The following PARP10 variants were observed in gnomAD, a reference collection of about 807,000 sequenced individuals.
PARP10 encodes the protein poly(ADP-ribose) polymerase family member 10, also known as protein mono-ADP-ribosyltransferase PARP10.
A neutral mutation model predicts 82.4 loss-of-function variants in PARP10; 56 were observed. The ratio of observed to expected loss-of-function variants is 0.68; its 90% CI spans 0.55 to 0.85. The LOEUF is 0.85. Among genes scored for constraint, PARP10 ranks in the 40% least tolerant of loss-of-function variants. PARP10 has a pLI of 0.00. For synonymous variants in PARP10, 576 were observed against 601.1 expected, an observed-to-expected ratio of 0.96 and a Z score of 0.61; for missense variants, 1,227 against 1,379.4, an observed-to-expected ratio of 0.89 and a Z score of 1.75.
intron 1 of PARP10, among the ~76,000 whole-genome samples, chr8:143,999,877 C>A (rs1465139940): frequency 6.6e-6 from 1 of 151,824 alleles, no homozygotes; most frequent in Non-Finnish European, 1.5e-5. Context: ...CTAAAACTCA[C>A]GAAGAGAATA....
At chr8:143,991,432 C>T, upstream of PARP10, 1 of 1,445,602 alleles carries the variant, frequency 6.9e-7, no homozygotes, top group Non-Finnish European at 9.2e-7. Context: ...GGGGGCTACC[C>T]ACAGGGTCCC....
At chr8:144,007,312 C>T (rs571097225) in intron 1 of PARP10, among the ~76,000 whole-genome samples, 6 of 152,190 alleles carry the variant, frequency 3.9e-5, no homozygotes, top group African/African-American at 1.4e-4. Context: ...GGTAGACAAG[C>T]AGATATCCCT....
At chr8:143,999,504 T>A (rs1283867079) in intron 1 of PARP10, among the ~76,000 whole-genome samples, 1 of 152,080 alleles carries the variant, frequency 6.6e-6, no homozygotes, top group Non-Finnish European at 1.5e-5. Context: ...ACGCTCAGCT[T>A]AATATTTTAT....
chr8:143,994,491 C>T (rs535409158), upstream of PARP10, among the ~76,000 whole-genome samples: 8 of 152,348 alleles, frequency 5.3e-5, no homozygotes, highest in South Asian at 1.0e-3. Context: ...ATGAAGTCCA[C>T]GCTCCTTAGC....
chr8:143,996,126 G>A (rs962325645), upstream of PARP10, among the ~76,000 whole-genome samples: 3 of 152,166 alleles, frequency 2.0e-5, no homozygotes, highest in Non-Finnish European at 4.4e-5. Context: ...GGGTGTGGAC[G>A]CTCCCCCACG....
chr8:144,012,269 A>G (rs956893271), intron 1 of PARP10: 1 of 508,496 alleles, frequency 2.0e-6, no homozygotes, highest in Non-Finnish European at 3.5e-6. Context: ...CGAGACAGAG[A>G]AAAGGTCAGG....
chr8:144,000,906 GTGTTTT>G (rs1834197165), intron 1 of PARP10, among the ~76,000 whole-genome samples: 3 of 109,188 alleles, frequency 2.7e-5, no homozygotes, highest in Non-Finnish European at 5.4e-5. Context: ...CTTTGTGTGT[GTGTTTT>G]TTTTTTTTTT....
rs374135187 is a variant in PARP10, at chr8:143,978,026, C to A, written c.2612G>T (p.Arg871Leu). The change falls in exon 10 of 11, where the codon CGC becomes CTC. Residue 871 changes from arginine to leucine, a missense_variant. Transcript: ENST00000313028. ...LQQQYELYRERLLQRCERRPV... is the reference protein window; with the variant it reads ...LQQQYELYRELLLQRCERRPV... The stretch of plus-strand genomic sequence containing the variant: ...GCGCCGCTCGCATCGCTGCAGCAGG[C>A]GCTCCCGGTACAGCTCATACTGCTG... 2.5e-6 allele frequency: 4 copies of A among 1,582,460 alleles called. No homozygotes were observed. In the African/African-American group the frequency reaches 5.4e-5, roughly 21 times the overall value.
At chr8:143,991,170 G>T (rs1456124225), upstream of PARP10, 32 of 1,332,846 alleles carry the variant, frequency 2.4e-5, no homozygotes, top group Non-Finnish European at 2.9e-5. Context: ...CAAGCCAACT[G>T]TTCCACTGTT....
chr8:143,992,139 C>A, upstream of PARP10: 1 of 1,602,298 alleles, frequency 6.2e-7, no homozygotes, highest in Non-Finnish European at 8.5e-7. Flanking sequence ...CACGCCCACT[C>A]TTCCGGGCCT....
chr8:143,978,787 T>C (rs545482823), intron 9 of PARP10, among the ~76,000 whole-genome samples: 9 of 151,930 alleles, frequency 5.9e-5, no homozygotes, highest in African/African-American at 1.5e-4. Context: ...TGAGCCGGCA[T>C]AGCAGGAGCT....
chr8:143,987,430 C>T (rs1834009573), upstream of PARP10, among the ~76,000 whole-genome samples: 1 of 152,224 alleles, frequency 6.6e-6, no homozygotes, highest in African/African-American at 2.4e-5. Context: ...CTCTGCTGCC[C>T]CGACCCTGGT....
upstream of PARP10, among the ~76,000 whole-genome samples, chr8:143,994,475 C>G (rs1834147412): frequency 6.6e-6 from 1 of 152,232 alleles, no homozygotes; most frequent in Non-Finnish European, 1.5e-5. Context: ...CGGTGGTGCC[C>G]TCAGGATGAA....
Position 143,977,600 on chromosome 8 carries a change from A to C in PARP10, c.2962T>G (p.Phe988Val), listed in dbSNP as rs781931485. Residue 988 changes from phenylalanine to valine, a missense_variant, in exon 11 of 11, where the codon TTC (phenylalanine) becomes GTC (valine). Transcript: ENST00000313028. ...GCCTGGGTGTCGTGGAAGATGACGA[A>C]GATGCTGGGCTGGCAGATGCAGTCC... The part of the protein sequence containing the change: ...AVDCICQPSI[F>V]VIFHDTQALP... The C allele has an allele frequency of 1.2e-5, 19 of 1,585,296 alleles. No individual in the cohort carries two copies. The highest frequency in any genetic ancestry group is 4.0e-5 in the African/African-American group (3 of 74,206).
intron 9 of PARP10, among the ~76,000 whole-genome samples, chr8:143,981,348 GAT>G (rs1554747683): frequency 1.3e-3 from 107 of 81,154 alleles, no homozygotes; most frequent in Admixed American, 2.0e-3. Context: ...TGGTGAAGGT[GAT>G]GGTGATGATG....
chr8:143,991,350 C>G (rs782099050), upstream of PARP10: 22 of 1,327,034 alleles, frequency 1.7e-5, no homozygotes, highest in Non-Finnish European at 1.2e-5. Flanking sequence ...GGCCCCTTAC[C>G]CACAGCCCCC....
At chr8:144,006,572 C>A (rs572688470) in intron 1 of PARP10, among the ~76,000 whole-genome samples, 3 of 152,318 alleles carry the variant, frequency 2.0e-5, no homozygotes, top group Non-Finnish European at 1.5e-5. Context: ...CAGGGAGTAA[C>A]ATGGGTCTGA....
At chr8:143,991,188 T>C, upstream of PARP10, 1 of 1,501,058 alleles carries the variant, frequency 6.7e-7, no homozygotes, top group Non-Finnish European at 8.9e-7. Flanking sequence ...GTTCCTTGTC[T>C]GTCTTCTCTA....
upstream of PARP10, chr8:143,991,368 C>A: frequency 8.2e-7 from 1 of 1,219,542 alleles, no homozygotes; most frequent in Non-Finnish European, 1.1e-6. Context: ...CCCTTTCCAG[C>A]CCTCCCCCTA....
Sources: gnomAD v4.1 joint callset for allele counts (sites outside exome capture counted in the v4.1 genomes callset) on GRCh38, gnomAD v4.1.1 for gene constraint, MANE v1.5 for transcripts, NCBI Gene and HGNC (gene_info 2026-07-23, HGNC 2026-07-21) for gene names.